The following BRK1 variants were observed in gnomAD, a reference collection of about 807,000 sequenced individuals.
BRK1 encodes the protein BRICK1 subunit of SCAR/WAVE actin nucleating complex.
In BRK1, 6 loss-of-function variants were observed where a neutral mutation model predicts 9.9. The ratio of observed to expected loss-of-function variants is 0.60; its 90% CI spans 0.33 to 1.19. The LOEUF (loss-of-function observed/expected upper bound fraction) is 1.19, where lower values mean the gene tolerates loss of function less well. Ranked by LOEUF, BRK1 falls within the 50% of genes most tolerant of loss-of-function variation. The pLI is 0.04. For synonymous variants in BRK1, 44 were observed against 31.9 expected (o/e 1.38, Z -1.28); for missense variants, 62 against 97.5 (o/e 0.64, Z 1.53).
chr3:10,120,888 G>A (rs940666457), intron 1 of BRK1, among the ~76,000 whole-genome samples: 3 of 152,126 alleles, frequency 2.0e-5, no homozygotes, highest in Non-Finnish European at 2.9e-5. Context: ...AATAATTTTC[G>A]TATGTCTTCA....
chr3:10,123,732 CT>C (rs71626962), intron 1 of BRK1, among the ~76,000 whole-genome samples: 12 of 48,670 alleles, frequency 2.5e-4, no homozygotes, highest in Admixed American at 3.3e-4. Context: ...CGTGCCTGGC[CT>C]TTTTTTTTTT....
chr3:10,125,289 GAGAC>G (rs1559420411), intron 1 of BRK1, among the ~76,000 whole-genome samples: 1 of 152,082 alleles, frequency 6.6e-6, no homozygotes. Flanking sequence ...TTTTTAGTAA[GAGAC>G]AGGGTTTCAT....
intron 1 of BRK1, among the ~76,000 whole-genome samples, chr3:10,122,550 A>AC (rs1695772040): frequency 6.6e-6 from 1 of 151,866 alleles, no homozygotes; most frequent in Non-Finnish European, 1.5e-5. Context: ...CTACCAAAAC[A>AC]AAAAACAAAA....
chr3:10,120,444 C>G (rs1695741774), intron 1 of BRK1, among the ~76,000 whole-genome samples: 1 of 152,190 alleles, frequency 6.6e-6, no homozygotes. Context: ...ATCTGCCCAC[C>G]TCAGCCTCCC....
At position 10,115,771 on chromosome 3, in the gene BRK1, A is replaced by C. The variant is rs978419249; in HGVS notation, c.70A>C (p.Ile24Leu). 9 of 1,613,866 alleles carry C rather than the reference A, an allele frequency of 5.6e-6. No individual in the cohort carries two copies. Among genetic ancestry groups the C allele is most frequent in the African/African-American group, 2.7e-5 (2 of 74,922 alleles). Residue 24 changes from isoleucine (I) to leucine (L), a missense_variant, in exon 1 of 3, where the codon ATA becomes CTA. Ile to Leu is a conservative substitution (Grantham distance 5). Transcript: ENST00000530758. Reference sequence around the variant, plus strand: ...CTGGGCTAACCGGGAGTACATTGAGATAATCACCAGCAGCATCAAGAAAAT... The same window carrying C: ...CTGGGCTAACCGGGAGTACATTGAGCTAATCACCAGCAGCATCAAGAAAAT... Reference protein sequence around the residue: ...QDWANREYIEIITSSIKKIAD... With the variant: ...QDWANREYIELITSSIKKIAD...
chr3:10,125,694 T>C lies in BRK1; in HGVS notation c.187T>C (p.Tyr63His). The C allele has an allele frequency of 2.5e-6, 4 of 1,611,732 alleles. No individual in the cohort carries two copies. Among genetic ancestry groups the C allele is most frequent in the Non-Finnish European group, 3.4e-6 (4 of 1,178,730 alleles). Residue 63 changes from tyrosine (Y) to histidine (H), a missense_variant, in exon 2 of 3, where the codon TAC becomes CAC. Coordinates refer to ENST00000530758, the MANE Select transcript of BRK1 (RefSeq NM_018462.5). ...KLTALERRIE[Y>H]IEARVTKGET... is the part of the protein sequence containing the mutation. The stretch of plus-strand genomic sequence containing the variant: ...GACAGCCCTTGAACGGAGAATAGAG[T>C]ACATTGAAGCTCGGGTGAGTTTGAT...
chr3:10,122,108 GGTATGGGGTTTCTCCAT>G (rs1695765517), intron 1 of BRK1, among the ~76,000 whole-genome samples: 1 of 149,938 alleles, frequency 6.7e-6, no homozygotes, highest in African/African-American at 2.5e-5. Flanking sequence ...ATTTTTAGTA[GGTATGGGGTTTCTCCAT>G]GTTGGTCAGG....
rs73117489 is a variant in BRK1 at position 10,121,189 on chromosome 3, G to T, written c.119-4437G>T. Reference sequence around the variant, plus strand: ...CAGGGACTGAGGGGTGACAGAATGGGGAGTGACAGGACTAAGAGGTATAAG... The same window carrying T: ...CAGGGACTGAGGGGTGACAGAATGGTGAGTGACAGGACTAAGAGGTATAAG... On this transcript the variant is annotated intron_variant, in intron 1 of 2. Transcript: ENST00000530758. Among the ~76,000 whole-genome samples, 6,474 of 152,210 alleles carry T rather than the reference G, an allele frequency of 0.043. 458 individuals carry two copies. The highest frequency in any genetic ancestry group is 0.15 in the African/African-American group (6,156 of 41,506).
At chr3:10,123,636 GTGTTA>G (rs1559419938) in intron 1 of BRK1, among the ~76,000 whole-genome samples, 1 of 130,562 alleles carries the variant, frequency 7.7e-6, no homozygotes, top group African/African-American at 3.0e-5. Flanking sequence ...GGGTTTCATT[GTGTTA>G]GCCAGGATGG....
At chr3:10,125,796 A>T (rs1369456599) in intron 2 of BRK1, 88 bp downstream of exon 2, 2 of 1,000,530 alleles carry the variant, frequency 2.0e-6, no homozygotes, top group African/African-American at 3.2e-5. Context: ...CAGTCTTAGG[A>T]AACTTAAGCA....
intron 1 of BRK1, among the ~76,000 whole-genome samples, chr3:10,123,289 C>T (rs1052328810): frequency 6.4e-4 from 97 of 152,110 alleles, no homozygotes; most frequent in African/African-American, 2.2e-3. Context: ...TGGGCTTTAT[C>T]GGGTATTTGA....
chr3:10,115,919 G>C lies in BRK1; in HGVS notation c.118+100G>C, dbSNP rs1436626908. The C allele has an allele frequency of 5.5e-6, 5 of 912,558 alleles. No homozygotes were observed. In the Admixed American group the frequency reaches 8.2e-5, roughly 15 times the overall value. The allele number at this position is 912,558 out of a possible 1,614,324, so 56.5% of individuals were successfully genotyped here. ...CTTTGAGAGGACTCCCGCAGCCTTC[G>C]GCTGTTGCGGGTTTTCACTTCCTCC... is the stretch of plus-strand genomic sequence containing the variant. On this transcript the variant is annotated intron_variant, in intron 1 of 2. Coordinates refer to ENST00000530758, the MANE Select transcript of BRK1 (RefSeq NM_018462.5).
chr3:10,125,342 T>C (rs528171758), intron 1 of BRK1, among the ~76,000 whole-genome samples: 2 of 152,166 alleles, frequency 1.3e-5, no homozygotes, highest in South Asian at 4.1e-4. Context: ...TGACCTCAGG[T>C]GATCCACCCG....
chr3:10,123,579 C>T (rs1348607950), intron 1 of BRK1, among the ~76,000 whole-genome samples: 2 of 134,324 alleles, frequency 1.5e-5, no homozygotes, highest in Non-Finnish European at 3.1e-5. Flanking sequence ...GAATTACAGG[C>T]GCCCGCCACC....
intron 1 of BRK1, among the ~76,000 whole-genome samples, chr3:10,124,015 G>A (rs983684670): frequency 2.0e-5 from 3 of 151,792 alleles, no homozygotes; most frequent in Admixed American, 1.3e-4. Flanking sequence ...GATTACAGGC[G>A]TGAGCCATCA....
intron 1 of BRK1, among the ~76,000 whole-genome samples, chr3:10,118,582 GGTTC>G (rs1242142055): frequency 6.6e-6 from 1 of 151,970 alleles, no homozygotes; most frequent in Admixed American, 6.6e-5. Flanking sequence ...CCATCTCCCA[GGTTC>G]AAGTGATTTT....
intron 2 of BRK1, 56 bp downstream of exon 2, chr3:10,125,764 G>GA (rs2125119255): frequency 5.4e-6 from 7 of 1,292,690 alleles, no homozygotes; most frequent in Non-Finnish European, 5.5e-6. Flanking sequence ...ACTTATTGCT[G>GA]AAAAAAACCT....
chr3:10,118,307 ACC>A (rs1484190346), intron 1 of BRK1, among the ~76,000 whole-genome samples: 1 of 151,808 alleles, frequency 6.6e-6, no homozygotes, highest in South Asian at 2.1e-4. Flanking sequence ...TTAGAAAAAG[ACC>A]CCACCGGCTG....
intron 1 of BRK1, among the ~76,000 whole-genome samples, chr3:10,120,489 C>G (rs2125117630): frequency 6.6e-6 from 1 of 152,264 alleles, no homozygotes; most frequent in South Asian, 2.1e-4. Flanking sequence ...ACCACCGTGC[C>G]CGGCCTGACA....
Sources: gnomAD v4.1 joint callset for allele counts (sites outside exome capture counted in the v4.1 genomes callset) on GRCh38, gnomAD v4.1.1 for gene constraint, MANE v1.5 for transcripts, NCBI Gene and HGNC (gene_info 2026-07-23, HGNC 2026-07-21) for gene names.